The following IGSF9B variants were observed in gnomAD, a reference collection of about 807,000 sequenced individuals.
The protein encoded by IGSF9B is protein turtle homolog B.
IGSF9B carries 48 observed loss-of-function variants against 143.7 expected under a neutral mutation model. That is an observed-to-expected ratio of 0.33 (90% CI 0.26 to 0.42). IGSF9B has a LOEUF of 0.42. IGSF9B is among the 20% of genes least tolerant of loss of function. The pLI is 1.00. For missense variants in IGSF9B, 1,706 were observed against 1,980.0 expected (o/e 0.86, Z 2.63); for synonymous variants, 903 against 833.1 (o/e 1.08, Z -1.44).
At position 133,920,653 on chromosome 11, in the gene IGSF9B, C is replaced by G; in HGVS notation, c.3072G>C (p.Thr1024=). The G allele has an allele frequency of 6.2e-7, 1 of 1,613,486 alleles. No homozygotes were observed. Among genetic ancestry groups the G allele is most frequent in the Non-Finnish European group, 8.5e-7 (1 of 1,179,824 alleles). The change falls in exon 18 of 20, where the codon ACG becomes ACC. Residue 1024 remains threonine, a synonymous_variant. Transcript: ENST00000533871. ...CTGTAGGTGTCTGAGTCAAGGGCAG[C>G]GTGCTGTTGGATGCATTCTCTCCAT... ...EENGENASNS[T]LPLTQTPTGG...
intron 19 of IGSF9B, among the ~76,000 whole-genome samples, chr11:133,910,730 T>C (rs182857947): frequency 2.2e-4 from 34 of 152,314 alleles, no homozygotes; most frequent in Non-Finnish European, 4.0e-4. Flanking sequence ...ACCACAGAAC[T>C]GGTAACAGGA....
chr11:133,936,221 C>G (rs1420512376), intron 5 of IGSF9B, 27 bp from the exon 6 acceptor site: 1 of 1,596,630 alleles, frequency 6.3e-7, no homozygotes, highest in African/African-American at 1.3e-5. Context: ...ACAAACCCCA[C>G]CTCGCCTGAT....
intron 7 of IGSF9B, among the ~76,000 whole-genome samples, 167 bp downstream of exon 7, chr11:133,935,450 G>A (rs1398782807): frequency 6.6e-6 from 1 of 152,204 alleles, no homozygotes. Flanking sequence ...CAACTGTCCA[G>A]GGCCTCGGCC....
chr11:133,907,577 G>T lies in IGSF9B; in HGVS notation c.*1492C>A, dbSNP rs1012689816. 6.6e-6 allele frequency among the ~76,000 whole-genome samples: 1 copy of T among 152,248 alleles called. No individual in the cohort carries two copies. The highest frequency in any genetic ancestry group is 2.4e-5 in the African/African-American group (1 of 41,474). On this transcript the variant is annotated 3_prime_UTR_variant, in exon 20 of 20. Transcript: ENST00000533871. ...CTCCACCCCGCCCTCGGGGCCTTCT[G>T]CCCTGCCCTTGGGCAGCACCATATC... is the stretch of plus-strand genomic sequence containing the variant.
At chr11:133,918,828 C>CT (rs1939446317) in intron 18 of IGSF9B, among the ~76,000 whole-genome samples, 1 of 149,556 alleles carries the variant, frequency 6.7e-6, no homozygotes, top group South Asian at 2.1e-4. Flanking sequence ...GAGAAGAGGG[C>CT]GGGGGACGGG....
rs1180428142 is a variant in IGSF9B, at chr11:133,908,911, G to A, written c.*158C>T. 7.8e-6 allele frequency: 5 copies of A among 642,254 alleles called. No homozygotes were observed. The highest frequency in any genetic ancestry group is 1.3e-5 in the Non-Finnish European group (5 of 374,890). The allele number at this position is 642,254 out of a possible 1,614,324, so 39.8% of individuals were successfully genotyped here. ...CCTCCGTCCTGAAGACAGGCGGCCA[G>A]GATCTGGAGGGAGACACCCGCTCTG... On this transcript the variant is annotated 3_prime_UTR_variant, in exon 20 of 20. Coordinates refer to ENST00000533871, the MANE Select transcript of IGSF9B (RefSeq NM_001277285.4).
chr11:133,921,556 C>T (rs546865196), intron 17 of IGSF9B, among the ~76,000 whole-genome samples, 159 bp from the exon 18 acceptor site: 79 of 152,178 alleles, frequency 5.2e-4, no homozygotes, highest in African/African-American at 1.7e-3. Flanking sequence ...AACTCTCCAC[C>T]GTCTGGACGT....
At chr11:133,939,954 G>A (rs975392711) in intron 3 of IGSF9B, among the ~76,000 whole-genome samples, 7 of 144,708 alleles carry the variant, frequency 4.8e-5, no homozygotes, top group African/African-American at 1.8e-4. Flanking sequence ...CACACACCTC[G>A]CATGTCCTCG....
Position 133,936,113 on chromosome 11 carries a change from G to A in IGSF9B, c.761C>T (p.Ala254Val), listed in dbSNP as rs759057342. 2.5e-6 allele frequency: 4 copies of A among 1,613,398 alleles called. No individual in the cohort carries two copies. Among genetic ancestry groups the A allele is most frequent in the African/African-American group, 1.3e-5 (1 of 74,996 alleles). Reference protein sequence around the residue: ...QDALLTCRAEAYPGNLTYTWY... With the variant: ...QDALLTCRAEVYPGNLTYTWY... The stretch of plus-strand genomic sequence containing the variant: ...GGTGTAGGTGAGGTTGCCCGGATAC[G>A]CCTCTGCCCGGCAGGTGAGCAGAGC... The change falls in exon 6 of 20, where the codon GCG (alanine) becomes GTG (valine). Residue 254 changes from alanine (A) to valine (V), a missense_variant. Physicochemically the swap from Ala to Val is moderately conservative, Grantham distance 64. Around this residue, in one of 7 missense-constraint regions of IGSF9B, gnomAD observed 238 missense variants for 452.6 expected, o/e 0.53. Coordinates refer to ENST00000533871, the MANE Select transcript of IGSF9B (RefSeq NM_001277285.4).
At position 133,920,743 on chromosome 11, in the gene IGSF9B, G is replaced by C. The variant is rs371747389; in HGVS notation, c.2982C>G (p.Ser994=). 1 of 1,612,888 alleles carries C rather than the reference G, an allele frequency of 6.2e-7. No individual in the cohort carries two copies. The highest frequency in any genetic ancestry group is 1.1e-5 in the South Asian group (1 of 91,034). The change falls in exon 18 of 20, where the codon TCC becomes TCG. Residue 994 remains serine (S), a synonymous_variant. Transcript: ENST00000533871. ...TGGGCAGGGGCGGGGACGACATGAC[G>C]GAGCTCAGGGGGCTGCCCACTTCTG... ...YVPEVGSPLS[S]VMSSPPLPTE...
rs1350258902 is a variant in IGSF9B at position 133,931,757 on chromosome 11, T to G, written c.1149A>C (p.Arg383=). 6.2e-7 allele frequency: 1 copy of G among 1,611,998 alleles called. No individual in the cohort carries two copies. Among genetic ancestry groups the G allele is most frequent in the Non-Finnish European group, 8.5e-7 (1 of 1,179,374 alleles). Reference sequence around the variant, plus strand: ...GAGCCTCCTCTGTGGCCTCCTCAATTCGAATGGAGCCATCCTCCATCAGGG... The same window carrying G: ...GAGCCTCCTCTGTGGCCTCCTCAATGCGAATGGAGCCATCCTCCATCAGGG... ...GWTLMEDGSI[R]IEEATEEALG... The change falls in exon 9 of 20, where the codon CGA becomes CGC. Residue 383 remains arginine, a synonymous_variant. Transcript: ENST00000533871. This position sits in a 1 kb window ranked among gnomAD's most constrained non-coding sequence, Gnocchi z 7.7.
At chr11:133,912,462 C>G (rs1939315930) in intron 18 of IGSF9B, 1 of 428,380 alleles carries the variant, frequency 2.3e-6, no homozygotes, top group Admixed American at 2.5e-5. Context: ...TCCTCCATCT[C>G]CAGAAAAGGG....
chr11:133,939,549 T>C (rs992223356), intron 3 of IGSF9B, among the ~76,000 whole-genome samples: 27 of 152,114 alleles, frequency 1.8e-4, no homozygotes, highest in African/African-American at 6.0e-4. Context: ...AACAAATGAG[T>C]GGTGTTCACA....
At position 133,899,180 on chromosome 11, in the gene IGSF9B, G is replaced by A. The variant is rs929125759; in HGVS notation, c.*9889C>T. Reference sequence around the variant, plus strand: ...CATTCTGCTGTGGGGACCAAGGAACGTGTCCCAAGCATGGGGAAGAGCTCA... The same window carrying A: ...CATTCTGCTGTGGGGACCAAGGAACATGTCCCAAGCATGGGGAAGAGCTCA... On this transcript the variant is annotated 3_prime_UTR_variant, in exon 20 of 20. Coordinates refer to ENST00000533871, the MANE Select transcript of IGSF9B (RefSeq NM_001277285.4). The A allele has an allele frequency of 3.3e-5, 5 of 152,250 alleles. No individual in the cohort carries two copies. Among genetic ancestry groups the A allele is most frequent in the East Asian group, 1.9e-4 (1 of 5,200 alleles). 9.4% of individuals were successfully genotyped at this position (152,250 alleles called of 1,614,324 possible).
chr11:133,920,938 G>A lies in IGSF9B; in HGVS notation c.2787C>T (p.Ser929=). 6.2e-7 allele frequency: 1 copy of A among 1,610,638 alleles called. No individual in the cohort carries two copies. Among genetic ancestry groups the A allele is most frequent in the Admixed American group, 1.7e-5 (1 of 59,980 alleles). ...CCAGCCCGCGGGGCTGGAACCGAGG[G>A]CTGTATGCTGGTGGTGGCAGGTAGG... is the stretch of plus-strand genomic sequence containing the variant. The part of the protein sequence containing the change: ...QESYLPPPAY[S]PRFQPRGLEG... The change falls in exon 18 of 20, where the codon AGC becomes AGT. Residue 929 remains serine, a synonymous_variant. Coordinates refer to ENST00000533871, the MANE Select transcript of IGSF9B (RefSeq NM_001277285.4).
chr11:133,937,267 A>T, intron 5 of IGSF9B, 109 bp downstream of exon 5: 1 of 746,030 alleles, frequency 1.3e-6, no homozygotes, highest in Non-Finnish European at 2.2e-6. Context: ...GGCCGCCTGC[A>T]CCTCCACTAG....
intron 7 of IGSF9B, among the ~76,000 whole-genome samples, chr11:133,933,065 C>T (rs1011187140): frequency 2.0e-5 from 3 of 152,128 alleles, no homozygotes; most frequent in Non-Finnish European, 4.4e-5. Flanking sequence ...GAATCCAGGC[C>T]GGAGGCAGCC....
At position 133,953,932 on chromosome 11, in the gene IGSF9B, A is replaced by G. The variant is rs1940207831; in HGVS notation, c.64+2759T>C. 6.6e-6 allele frequency among the ~76,000 whole-genome samples: 1 copy of G among 152,074 alleles called. No individual in the cohort carries two copies. The highest frequency in any genetic ancestry group is 1.5e-5 in the Non-Finnish European group (1 of 68,018). ...ATCACCTCCCAGGCACACACACTCAAAGTCAAAAGGAGGAGCCCATTCCAA... is the reference window on the plus strand; with the variant it reads ...ATCACCTCCCAGGCACACACACTCAGAGTCAAAAGGAGGAGCCCATTCCAA... On this transcript the variant is annotated intron_variant, in intron 1 of 19. Transcript: ENST00000533871. The surrounding 1 kb of genome is among the most constrained non-coding windows in gnomAD (Gnocchi z 4.2).
At chr11:133,929,826 C>T (rs1334092442) in intron 11 of IGSF9B, 44 bp from the exon 12 acceptor site, 6 of 1,394,644 alleles carry the variant, frequency 4.3e-6, no homozygotes, top group Non-Finnish European at 6.1e-6. Flanking sequence ...AGAACTCAGC[C>T]ACGTGGCTGG....
Sources: gnomAD v4.1 joint callset for allele counts (sites outside exome capture counted in the v4.1 genomes callset) on GRCh38, gnomAD v4.1.1 for gene constraint, gnomAD v4.1.1 regional missense constraint, Gnocchi (gnomAD v3.1) non-coding constraint, MANE v1.5 for transcripts, NCBI Gene and HGNC (gene_info 2026-07-23, HGNC 2026-07-21) for gene names.